Variants in WASF2 observed in about 807,000 individuals in gnomAD.
WASF2 encodes WASP family member 2, also known as actin-binding protein WASF2.
In WASF2, 14 loss-of-function variants were observed where a neutral mutation model predicts 45.0. The ratio of observed to expected loss-of-function variants is 0.31; its 90% CI spans 0.21 to 0.49. The LOEUF is 0.49. Among genes scored for constraint, WASF2 ranks in the 20% least tolerant of loss-of-function variants. WASF2 has a pLI of 0.99. For synonymous variants in WASF2, 200 were observed against 236.3 expected, an observed-to-expected ratio of 0.85 and a Z score of 1.41; for missense variants, 439 against 636.1, an observed-to-expected ratio of 0.69 and a Z score of 3.33.
chr1:27,473,978 T>C (rs1406875859), intron 1 of WASF2, among the ~76,000 whole-genome samples: 1 of 152,000 alleles, frequency 6.6e-6, no homozygotes, highest in Non-Finnish European at 1.5e-5. Context: ...ACACGAACAA[T>C]TCTGTGATGC....
At chr1:27,444,432 G>A (rs1049672587) in intron 1 of WASF2, among the ~76,000 whole-genome samples, 1 of 152,280 alleles carries the variant, frequency 6.6e-6, no homozygotes, top group African/African-American at 2.4e-5. Context: ...TTCCAGAGGG[G>A]TACCCAGCAC....
intron 1 of WASF2, among the ~76,000 whole-genome samples, chr1:27,431,547 C>T (rs17162627): frequency 0.05 from 7,602 of 152,236 alleles, 718 homozygotes; most frequent in East Asian, 0.37. Flanking sequence ...TGTGGCTCTT[C>T]CACTGGTAAT....
rs1316982371 is a variant in WASF2 at position 27,405,638 on chromosome 1, T to C, written c.*2551A>G. Reference sequence around the variant, plus strand: ...TTTTTTTTTTTTTTTTTTTGGTGCATATGCATAAGTGGAGCCCAGAGGGCC... The same window carrying C: ...TTTTTTTTTTTTTTTTTTTGGTGCACATGCATAAGTGGAGCCCAGAGGGCC... On this transcript the variant is annotated 3_prime_UTR_variant, in exon 9 of 9. Coordinates refer to ENST00000618852, the MANE Select transcript of WASF2 (RefSeq NM_006990.5). 1 of 127,836 alleles carries C rather than the reference T, an allele frequency of 7.8e-6. No homozygotes were observed. The highest frequency in any genetic ancestry group is 2.5e-4 in the East Asian group (1 of 3,988). The allele number at this position is 127,836 out of a possible 1,614,324, so 7.9% of individuals were successfully genotyped here.
At chr1:27,442,967 G>A (rs1354343417) in intron 1 of WASF2, among the ~76,000 whole-genome samples, 2 of 133,216 alleles carry the variant, frequency 1.5e-5, no homozygotes, top group East Asian at 4.4e-4. Context: ...CTCCAGCCTA[G>A]GAAACAGAGC....
intron 1 of WASF2, among the ~76,000 whole-genome samples, chr1:27,488,228 T>G (rs2017973176): frequency 6.6e-6 from 1 of 152,184 alleles, no homozygotes; most frequent in Admixed American, 6.6e-5. Flanking sequence ...CCTACTATTC[T>G]GATTAACCAA....
At chr1:27,483,100 C>T (rs1557624743) in intron 1 of WASF2, among the ~76,000 whole-genome samples, 2 of 152,042 alleles carry the variant, frequency 1.3e-5, no homozygotes, top group African/African-American at 2.4e-5. Context: ...TTTGGAAGGC[C>T]GAGGTGGGCA....
chr1:27,473,045 A>AAGACAACCCACAG (rs1263977328), intron 1 of WASF2, among the ~76,000 whole-genome samples: 43 of 151,982 alleles, frequency 2.8e-4, no homozygotes, highest in African/African-American at 9.2e-4. Context: ...GAAAAGTGAA[A>AAGACAACCCACAG]AGACAACCCA....
chr1:27,473,808 T>C (rs1288780781), intron 1 of WASF2, among the ~76,000 whole-genome samples: 1 of 152,230 alleles, frequency 6.6e-6, no homozygotes, highest in Non-Finnish European at 1.5e-5. Flanking sequence ...GATAAGTATT[T>C]ACCTAATTAT....
At chr1:27,469,128 T>G (rs2148136373) in intron 1 of WASF2, among the ~76,000 whole-genome samples, 1 of 152,250 alleles carries the variant, frequency 6.6e-6, no homozygotes, top group South Asian at 2.1e-4. Context: ...AGTCTCTTTA[T>G]TTTTTACAGC....
At chr1:27,475,559 C>T (rs1481882178) in intron 1 of WASF2, among the ~76,000 whole-genome samples, 4 of 152,184 alleles carry the variant, frequency 2.6e-5, no homozygotes. Context: ...TCCTCTATTA[C>T]TCTCTATTAT....
intron 1 of WASF2, among the ~76,000 whole-genome samples, chr1:27,454,977 TA>T (rs745489352): frequency 2.0e-5 from 3 of 152,150 alleles, no homozygotes; most frequent in Non-Finnish European, 2.9e-5. Flanking sequence ...TTCTTTAGGG[TA>T]AATACCCAGG....
At chr1:27,473,568 C>T (rs1241857976) in intron 1 of WASF2, among the ~76,000 whole-genome samples, 3 of 151,816 alleles carry the variant, frequency 2.0e-5, no homozygotes, top group East Asian at 1.9e-4. Flanking sequence ...TAAGTCCTCA[C>T]TTAACTCATC....
At chr1:27,458,308 TAAAA>T (rs71010355) in intron 1 of WASF2, among the ~76,000 whole-genome samples, 12 of 29,408 alleles carry the variant, frequency 4.1e-4, no homozygotes, top group African/African-American at 1.1e-3. Flanking sequence ...GCGAGATTCT[TAAAA>T]AAAAAAAAAA....
At chr1:27,478,442 T>C (rs1286406592) in intron 1 of WASF2, among the ~76,000 whole-genome samples, 2 of 152,124 alleles carry the variant, frequency 1.3e-5, no homozygotes, top group Non-Finnish European at 2.9e-5. Context: ...CACAAAAGTG[T>C]GCATACTATA....
intron 2 of WASF2, among the ~76,000 whole-genome samples, chr1:27,424,175 T>C (rs967856198): frequency 7.9e-5 from 12 of 152,194 alleles, no homozygotes; most frequent in African/African-American, 2.9e-4. Flanking sequence ...AATTGAGAAG[T>C]TCCACCCAGG....
chr1:27,472,617 T>C (rs1373569089), intron 1 of WASF2, among the ~76,000 whole-genome samples: 2 of 114,728 alleles, frequency 1.7e-5, no homozygotes, highest in Non-Finnish European at 1.6e-5. Flanking sequence ...ACTCCAGCAC[T>C]CCAGCCTGGG....
chr1:27,472,294 C>CTGTG (rs774524217), intron 1 of WASF2, among the ~76,000 whole-genome samples: 1 of 148,438 alleles, frequency 6.7e-6, no homozygotes, highest in Non-Finnish European at 1.5e-5. Context: ...CACTGCACTC[C>CTGTG]AGCCTGTGTG....
intron 1 of WASF2, among the ~76,000 whole-genome samples, chr1:27,474,649 A>G (rs184917059): frequency 6.6e-6 from 1 of 152,218 alleles, no homozygotes; most frequent in East Asian, 1.9e-4. Context: ...ATGAGCCTAT[A>G]GTCCCAGCTA....
intron 1 of WASF2, chr1:27,459,539 T>C (rs1436501970): frequency 1.3e-5 from 2 of 151,942 alleles, no homozygotes; most frequent in Admixed American, 6.6e-5. Context: ...CCACCAAGAA[T>C]AGGAAATTTA....
Sources: allele counts gnomAD v4.1 joint callset (sites outside exome capture counted in the v4.1 genomes callset), GRCh38; gene constraint gnomAD v4.1.1; transcripts MANE v1.5; gene names NCBI Gene and HGNC (gene_info 2026-07-23, HGNC 2026-07-21).